ZNF69: variants seen among roughly 807,000 people sequenced by gnomAD.
ZNF69 encodes zinc finger protein 69.
In ZNF69, 47 loss-of-function variants were observed where a neutral mutation model predicts 50.9. The observed-to-expected ratio is 0.92, with a 90% CI of 0.73 to 1.18. The LOEUF (loss-of-function observed/expected upper bound fraction) is 1.18. Among genes scored for constraint, ZNF69 ranks in the 50% most tolerant of loss-of-function variants. The pLI is 0.00. For missense variants in ZNF69, 717 were observed against 675.1 expected (o/e 1.06, Z -0.69); for synonymous variants, 216 against 223.1 (o/e 0.97, Z 0.29).
chr19:11,898,582 G>A (rs576825425), intron 1 of ZNF69, among the ~76,000 whole-genome samples: 7 of 151,688 alleles, frequency 4.6e-5, no homozygotes, highest in Non-Finnish European at 7.4e-5. Flanking sequence ...GTAGAGAGAG[G>A]GTTTCACCAT....
the ZNF69 span, among the ~76,000 whole-genome samples, chr19:11,970,467 A>C: frequency 1.7e-4 from 26 of 152,352 alleles, no homozygotes; most frequent in African/African-American, 6.0e-4. Context: ...GTAACATATA[A>C]ATAAAAGAAT....
the ZNF69 span, among the ~76,000 whole-genome samples, chr19:11,935,227 G>A: frequency 7.3e-6 from 1 of 136,226 alleles, no homozygotes; most frequent in Non-Finnish European, 1.6e-5. Context: ...TACTTGGAAA[G>A]ATCTTGTTTT....
the ZNF69 span, among the ~76,000 whole-genome samples, chr19:11,945,712 C>T: frequency 1.4e-4 from 21 of 152,120 alleles, 1 homozygote; most frequent in Middle Eastern, 0.024. Context: ...AGTCTTCATT[C>T]CTCCTCCTGG....
At chr19:11,925,876 C>T in the ZNF69 span, among the ~76,000 whole-genome samples, 2 of 152,126 alleles carry the variant, frequency 1.3e-5, no homozygotes, top group African/African-American at 4.8e-5. Flanking sequence ...GGTCCCGAGG[C>T]GGCTCAAGAC....
the ZNF69 span, among the ~76,000 whole-genome samples, chr19:11,959,643 G>A: frequency 2.0e-3 from 303 of 152,188 alleles, 3 homozygotes; most frequent in African/African-American, 6.7e-3. Context: ...CTCTTATTTC[G>A]CTGCTTAATG....
At chr19:11,947,553 A>G in the ZNF69 span, 3 of 1,613,460 alleles carry the variant, frequency 1.9e-6, no homozygotes, top group East Asian at 4.5e-5. Context: ...TATGAGTACC[A>G]AAACCCCAGA....
the ZNF69 span, among the ~76,000 whole-genome samples, chr19:11,934,817 C>T: frequency 2.0e-5 from 3 of 147,970 alleles, no homozygotes; most frequent in Non-Finnish European, 2.9e-5. Flanking sequence ...TGAGCCACTG[C>T]GCCCGGCCTG....
intron 1 of ZNF69, among the ~76,000 whole-genome samples, chr19:11,902,907 C>T (rs139680075): frequency 2.0e-5 from 3 of 152,150 alleles, no homozygotes; most frequent in Non-Finnish European, 2.9e-5. Flanking sequence ...TCACTTTTCT[C>T]CCTGGGTTCG....
the ZNF69 span, among the ~76,000 whole-genome samples, chr19:11,973,261 A>G: frequency 0.019 from 2,866 of 152,004 alleles, 35 homozygotes; most frequent in African/African-American, 0.026. Flanking sequence ...AGAGTTTTGC[A>G]TTTTCCAGAA....
chr19:11,888,174 G>C (rs1466899353), intron 1 of ZNF69, among the ~76,000 whole-genome samples, 188 bp downstream of exon 1: 3 of 152,224 alleles, frequency 2.0e-5, no homozygotes, highest in African/African-American at 7.2e-5. Flanking sequence ...GGGACACCAG[G>C]CGTCCTGTCT....
chr19:11,923,331 C>T, the ZNF69 span, among the ~76,000 whole-genome samples: 7 of 152,232 alleles, frequency 4.6e-5, no homozygotes, highest in East Asian at 3.8e-4. Flanking sequence ...TAAATTCCCA[C>T]GGAATCCAAG....
chr19:11,917,789 C>CTT (rs74965943), downstream of ZNF69, among the ~76,000 whole-genome samples: 9 of 110,682 alleles, frequency 8.1e-5, 1 homozygote, highest in Admixed American at 2.9e-4. Flanking sequence ...CCACACCCTG[C>CTT]TTTTTTTTTT....
chr19:11,959,604 C>G, the ZNF69 span, among the ~76,000 whole-genome samples: 1 of 152,126 alleles, frequency 6.6e-6, no homozygotes, highest in African/African-American at 2.4e-5. Context: ...ACATGCTGCT[C>G]TGTGAAGTTG....
chr19:11,903,513 T>C, intron 1 of ZNF69, 60 bp from the exon 2 acceptor site: 1 of 1,606,640 alleles, frequency 6.2e-7, no homozygotes. Context: ...GAGAATAGAG[T>C]CTAGGCCCCC....
the ZNF69 span, among the ~76,000 whole-genome samples, chr19:11,963,722 C>T: frequency 6.6e-6 from 1 of 152,170 alleles, no homozygotes; most frequent in Non-Finnish European, 1.5e-5. Flanking sequence ...TCTCCCCAAG[C>T]GTCCTGTCCC....
chr19:11,953,336 G>T, the ZNF69 span: 1 of 152,266 alleles, frequency 6.6e-6, no homozygotes, highest in Admixed American at 6.5e-5. Context: ...GACTACGGGG[G>T]TGTCTTGATC....
the ZNF69 span, among the ~76,000 whole-genome samples, chr19:11,975,860 C>T: frequency 6.6e-6 from 1 of 151,856 alleles, no homozygotes; most frequent in Non-Finnish European, 1.5e-5. Context: ...ATATATACAC[C>T]TGGATATAAA....
At chr19:11,953,253 C>T in the ZNF69 span, 8 of 152,184 alleles carry the variant, frequency 5.3e-5, no homozygotes, top group African/African-American at 9.7e-5. Context: ...TTGGAATAGC[C>T]AAAGACAGTA....
the ZNF69 span, among the ~76,000 whole-genome samples, chr19:11,970,719 G>A: frequency 1.3e-5 from 2 of 152,080 alleles, no homozygotes; most frequent in Non-Finnish European, 2.9e-5. Flanking sequence ...ATCACCTAAG[G>A]TCAGGAGTTT....
Sources: gnomAD v4.1 joint callset for allele counts (sites outside exome capture counted in the v4.1 genomes callset) on GRCh38, gnomAD v4.1.1 for gene constraint, MANE v1.5 for transcripts, NCBI Gene and HGNC (gene_info 2026-07-23, HGNC 2026-07-21) for gene names.